Variants in CCBE1 observed in about 807,000 individuals in gnomAD.
The protein encoded by CCBE1 is collagen and calcium binding EGF domains 1.
In CCBE1, 37 loss-of-function variants were observed where a neutral mutation model predicts 50.0. That is an observed-to-expected ratio of 0.74 (90% CI 0.57 to 0.97). The LOEUF is 0.97. CCBE1 is among the 50% of genes least tolerant of loss of function. CCBE1 has a pLI of 0.00. For synonymous variants in CCBE1, 234 were observed against 203.7 expected, an observed-to-expected ratio of 1.15 and a Z score of -1.27; for missense variants, 538 against 523.8, an observed-to-expected ratio of 1.03 and a Z score of -0.26.
chr18:59,689,654 T>G (rs2054703381), intron 2 of CCBE1, among the ~76,000 whole-genome samples: 1 of 152,222 alleles, frequency 6.6e-6, no homozygotes, highest in African/African-American at 2.4e-5. Context: ...GCATGCCTTC[T>G]TTAAAACTCT....
chr18:59,538,856 G>A (rs879095315), intron 2 of CCBE1, among the ~76,000 whole-genome samples: 1 of 152,152 alleles, frequency 6.6e-6, no homozygotes, highest in Admixed American at 6.5e-5. Flanking sequence ...ATATGGCAAG[G>A]TGACAAGAAG....
intron 2 of CCBE1, among the ~76,000 whole-genome samples, chr18:59,543,845 A>AAAAAAAAAAAAAAAC (rs1915572961): frequency 6.8e-6 from 1 of 146,956 alleles, no homozygotes; most frequent in African/African-American, 2.5e-5. Flanking sequence ...AAAAAAAAAA[A>AAAAAAAAAAAAAAAC]AAAAAAAAAA....
intron 2 of CCBE1, among the ~76,000 whole-genome samples, chr18:59,654,536 A>G (rs999487019): frequency 6.6e-6 from 1 of 152,190 alleles, no homozygotes; most frequent in Non-Finnish European, 1.5e-5. Flanking sequence ...AGGCAGGAGA[A>G]TCACTTGAAC....
intron 2 of CCBE1, among the ~76,000 whole-genome samples, chr18:59,628,046 C>CTAAAAAAA (rs1036012809): frequency 6.6e-6 from 1 of 152,168 alleles, no homozygotes; most frequent in Non-Finnish European, 1.5e-5. Flanking sequence ...CACCCCGTCT[C>CTAAAAAAA]TACAAAAAAT....
chr18:59,622,168 G>A (rs2053719170), intron 2 of CCBE1, among the ~76,000 whole-genome samples: 1 of 152,186 alleles, frequency 6.6e-6, no homozygotes, highest in African/African-American at 2.4e-5. Context: ...TTACAAGGGT[G>A]TTCAAGAGGA....
intron 2 of CCBE1, among the ~76,000 whole-genome samples, chr18:59,681,972 A>T (rs72969830): frequency 6.6e-5 from 10 of 152,304 alleles, no homozygotes; most frequent in Non-Finnish European, 1.5e-4. Flanking sequence ...GAAGGAACTC[A>T]AGCAAAGCCC....
intron 2 of CCBE1, chr18:59,685,957 T>G (rs886107566): frequency 6.6e-6 from 1 of 151,954 alleles, no homozygotes; most frequent in Non-Finnish European, 1.5e-5. Context: ...GTGAACAGAA[T>G]AGTTTCTAAT....
chr18:59,649,004 A>T (rs557485961), intron 2 of CCBE1, among the ~76,000 whole-genome samples: 54 of 152,350 alleles, frequency 3.5e-4, no homozygotes, highest in African/African-American at 1.3e-3. Flanking sequence ...GCTTCAAACT[A>T]ACTGCAGGCA....
At chr18:59,642,122 G>A (rs1218210845) in intron 2 of CCBE1, among the ~76,000 whole-genome samples, 47 of 152,136 alleles carry the variant, frequency 3.1e-4, no homozygotes, top group Non-Finnish European at 2.9e-5. Context: ...ACCTGACAAA[G>A]TATTAGTATT....
intron 2 of CCBE1, among the ~76,000 whole-genome samples, chr18:59,684,278 G>A (rs940090998): frequency 1.3e-5 from 2 of 152,088 alleles, no homozygotes; most frequent in Non-Finnish European, 2.9e-5. Context: ...GCGAAACCCT[G>A]TCTCTACAAA....
At chr18:59,438,392 G>A (rs1434126368) in intron 9 of CCBE1, among the ~76,000 whole-genome samples, 3 of 152,202 alleles carry the variant, frequency 2.0e-5, no homozygotes, top group African/African-American at 4.8e-5. Flanking sequence ...CAAGAGGAAT[G>A]TTCATATTTC....
chr18:59,461,300 CT>C (rs11379671), intron 5 of CCBE1, among the ~76,000 whole-genome samples: 2,296 of 133,626 alleles, frequency 0.017, 49 homozygotes, highest in African/African-American at 0.053. Context: ...AGTGGAGGCA[CT>C]TTTTTTTTTT....
In CCBE1 at chr18:59,439,769, G is replaced by A; in HGVS notation, c.823C>T (p.Pro275Ser). The A allele has an allele frequency of 1.2e-6, 2 of 1,614,166 alleles. No individual in the cohort carries two copies. The highest frequency in any genetic ancestry group is 1.7e-6 in the Non-Finnish European group (2 of 1,180,006). The change falls in exon 8 of 11, where the codon CCT becomes TCT. Residue 275 changes from proline (P) to serine (S), a missense_variant. Coordinates refer to ENST00000439986, the MANE Select transcript of CCBE1 (RefSeq NM_133459.4). ...GSPGFPGMPGPPGQPGPRGSM... is the reference protein window; with the variant it reads ...GSPGFPGMPGSPGQPGPRGSM... The stretch of plus-strand genomic sequence containing the variant: ...CCCCGTGGGCCGGGCTGCCCAGGAG[G>A]GCCTGGCATACCGGGGAAGCCTGGG...
At chr18:59,651,072 G>A (rs2054120901) in intron 2 of CCBE1, among the ~76,000 whole-genome samples, 1 of 152,112 alleles carries the variant, frequency 6.6e-6, no homozygotes, top group Admixed American at 6.5e-5. Flanking sequence ...GATATAGGGT[G>A]GGATTTCTTA....
intron 2 of CCBE1, among the ~76,000 whole-genome samples, chr18:59,529,513 C>A (rs1348981141): frequency 6.6e-6 from 1 of 152,218 alleles, no homozygotes; most frequent in Non-Finnish European, 1.5e-5. Flanking sequence ...AACTCCTGAT[C>A]CACAGGTTGC....
intron 2 of CCBE1, among the ~76,000 whole-genome samples, chr18:59,676,555 T>C (rs575380670): frequency 6.6e-6 from 1 of 152,352 alleles, no homozygotes; most frequent in South Asian, 2.1e-4. Flanking sequence ...AGGACAGTCT[T>C]ACCATACAGT....
chr18:59,676,482 C>G (rs1414196134), intron 2 of CCBE1, among the ~76,000 whole-genome samples: 1 of 152,124 alleles, frequency 6.6e-6, no homozygotes, highest in Non-Finnish European at 1.5e-5. Flanking sequence ...TTATATATAA[C>G]TGCCTTATAT....
At chr18:59,649,080 T>G (rs772742903) in intron 2 of CCBE1, among the ~76,000 whole-genome samples, 29 of 152,206 alleles carry the variant, frequency 1.9e-4, no homozygotes, top group Non-Finnish European at 3.8e-4. Context: ...TCAAGACTAT[T>G]TTTTACAAAC....
chr18:59,469,967 T>C (rs560617979), intron 3 of CCBE1, among the ~76,000 whole-genome samples: 1 of 152,202 alleles, frequency 6.6e-6, no homozygotes, highest in Admixed American at 6.5e-5. Flanking sequence ...GGCAGGTGAC[T>C]CCACCCAGCA....
Sources: allele counts gnomAD v4.1 joint callset (sites outside exome capture counted in the v4.1 genomes callset), GRCh38; gene constraint gnomAD v4.1.1; transcripts MANE v1.5; gene names NCBI Gene and HGNC (gene_info 2026-07-23, HGNC 2026-07-21).